Variants in ENTPD7 observed in about 807,000 individuals in gnomAD.
ENTPD7 encodes NTPDase 7.
Under a neutral mutation model 77.9 loss-of-function variants are expected in ENTPD7, and 53 were observed. The observed-to-expected ratio is 0.68, with a 90% CI of 0.55 to 0.85. The LOEUF (loss-of-function observed/expected upper bound fraction) is 0.85, where lower values mean the gene tolerates loss of function less well. Ranked by LOEUF, ENTPD7 falls within the 40% of genes least tolerant of loss-of-function variation. The pLI is 0.00. For synonymous variants in ENTPD7, 248 were observed against 274.9 expected, an observed-to-expected ratio of 0.90 and a Z score of 0.97; for missense variants, 636 against 743.7, an observed-to-expected ratio of 0.86 and a Z score of 1.68.
chr10:99,661,335 G>A, intron 2 of ENTPD7, 111 bp from the exon 3 acceptor site: 1 of 860,674 alleles, frequency 1.2e-6, no homozygotes. Context: ...TTAGACTTCT[G>A]TTGGCATGGA....
intron 3 of ENTPD7, among the ~76,000 whole-genome samples, chr10:99,673,599 AG>A (rs771687803): frequency 3.5e-4 from 53 of 152,392 alleles, no homozygotes; most frequent in Admixed American, 1.8e-3. Context: ...ATCAAAGGTC[AG>A]CTGACATTTT....
intron 3 of ENTPD7, among the ~76,000 whole-genome samples, chr10:99,666,663 T>G (rs773766858): frequency 5.3e-5 from 8 of 152,222 alleles, no homozygotes. Context: ...GAAAATGCAT[T>G]TAATACACCT....
At position 99,698,515 on chromosome 10, in the gene ENTPD7, GT is replaced by G; in HGVS notation, c.1011-14del. 4 of 1,608,338 alleles carry G rather than the reference GT, an allele frequency of 2.5e-6. No individual in the cohort carries two copies. Among genetic ancestry groups the G allele is most frequent in the African/African-American group, 2.7e-5 (2 of 74,918 alleles). Reference sequence around the variant, plus strand: ...GCATGACGTGTTTGTTTGTTTGTTTGTTTTTGTCATTGTGGCAGATTGCTTG... The same window carrying G: ...GCATGACGTGTTTGTTTGTTTGTTTGTTTTGTCATTGTGGCAGATTGCTTG... On this transcript the variant is annotated intron_variant, in intron 9 of 12. Transcript: ENST00000370489.
chr10:99,711,101 C>G lies in ENTPD7; in HGVS notation c.*6418C>G. ...GGGAGTGCTGGGAATAACATAAATACAAAAAAAACCCTAAGATAATCATTC... is the reference window on the plus strand; with the variant it reads ...GGGAGTGCTGGGAATAACATAAATAGAAAAAAAACCCTAAGATAATCATTC... On this transcript the variant is annotated 3_prime_UTR_variant, in exon 13 of 13. Transcript: ENST00000370489. 1.0e-6 allele frequency: 1 copy of G among 975,984 alleles called. No individual in the cohort carries two copies. Among genetic ancestry groups the G allele is most frequent in the African/African-American group, 1.8e-5 (1 of 56,994 alleles). The allele number at this position is 975,984 out of a possible 1,614,324, so 60.5% of individuals were successfully genotyped here.
At chr10:99,686,387 C>G (rs920860877) in intron 6 of ENTPD7, among the ~76,000 whole-genome samples, 2 of 152,060 alleles carry the variant, frequency 1.3e-5, no homozygotes, top group Non-Finnish European at 2.9e-5. Flanking sequence ...TGGGTTTGTA[C>G]TTTTAGAGTG....
rs1189556430 is a variant in ENTPD7 at position 99,704,723 on chromosome 10, T to C, written c.*40T>C. 1.9e-6 allele frequency: 3 copies of C among 1,549,230 alleles called. No homozygotes were observed. The East Asian group carries it at 7.0e-5, about 36-fold the overall frequency. On this transcript the variant is annotated 3_prime_UTR_variant, in exon 13 of 13. Transcript: ENST00000370489. Reference sequence around the variant, plus strand: ...TAGAGAAGCTTGAGCACCCCCGAGTTGCTGCTCATTGAATTCCTCCACTTT... The same window carrying C: ...TAGAGAAGCTTGAGCACCCCCGAGTCGCTGCTCATTGAATTCCTCCACTTT...
intron 5 of ENTPD7, among the ~76,000 whole-genome samples, chr10:99,682,784 C>T (rs2133465331): frequency 6.6e-6 from 1 of 152,182 alleles, no homozygotes; most frequent in East Asian, 1.9e-4. Context: ...GACACAAGAG[C>T]AGGTGCCACA....
chr10:99,695,961 A>G lies in ENTPD7; in HGVS notation c.849A>G (p.Glu283=), dbSNP rs769210199. The change falls in exon 9 of 13, where the codon GAA becomes GAG. Residue 283 remains glutamate (E), a synonymous_variant. Coordinates refer to ENST00000370489, the MANE Select transcript of ENTPD7 (RefSeq NM_020354.5). ...CTCTTGGTATTGTATTATAGGAAGA[A>G]GCTGCCAAGATCCTGCTGGCTGAGT... The part of the protein sequence containing the change: ...STSVLPAKQE[E]AAKILLAEFN... 1 of 1,612,522 alleles carries G rather than the reference A, an allele frequency of 6.2e-7. No homozygotes were observed. Among genetic ancestry groups the G allele is most frequent in the South Asian group, 1.1e-5 (1 of 90,732 alleles).
intron 11 of ENTPD7, among the ~76,000 whole-genome samples, chr10:99,702,048 CA>C (rs902674144): frequency 7.2e-4 from 105 of 146,526 alleles, no homozygotes; most frequent in Non-Finnish European, 1.1e-3. Flanking sequence ...GACTCTGTCT[CA>C]AAAAAAAACA....
Position 99,709,648 on chromosome 10 carries a change from A to T in ENTPD7, c.*4965A>T. 1.0e-6 allele frequency: 1 copy of T among 985,372 alleles called. No individual in the cohort carries two copies. The highest frequency in any genetic ancestry group is 1.2e-6 in the Non-Finnish European group (1 of 829,916). The allele number at this position is 985,372 out of a possible 1,614,324, so 61.0% of individuals were successfully genotyped here. A position where few individuals can be genotyped will look rare whatever the true frequency, so the allele number is the denominator to read the frequency against. On this transcript the variant is annotated 3_prime_UTR_variant, in exon 13 of 13. Coordinates refer to ENST00000370489, the MANE Select transcript of ENTPD7 (RefSeq NM_020354.5). ...TCTCATAACCTGGATCTAAGTTGGAAAGCTGTGGCACCCTGTTTGGGTGTC... is the reference window on the plus strand; with the variant it reads ...TCTCATAACCTGGATCTAAGTTGGATAGCTGTGGCACCCTGTTTGGGTGTC...
intron 3 of ENTPD7, among the ~76,000 whole-genome samples, chr10:99,676,877 T>G (rs1270911739): frequency 6.6e-6 from 1 of 152,220 alleles, no homozygotes; most frequent in Non-Finnish European, 1.5e-5. Flanking sequence ...TACCTACCCC[T>G]ACTCTCAGTA....
rs1252556054 is a variant in ENTPD7 at position 99,707,936 on chromosome 10, A to C, written c.*3253A>C. Among the ~76,000 whole-genome samples the C allele has an allele frequency of 6.6e-6, 1 of 152,184 alleles. No individual in the cohort carries two copies. Among genetic ancestry groups the C allele is most frequent in the African/African-American group, 2.4e-5 (1 of 41,446 alleles). ...ACCAAGGAACAAATTCAGGGGGTAC[A>C]AGTGCAGGTTTGTTACATGAGTATA... On this transcript the variant is annotated 3_prime_UTR_variant, in exon 13 of 13. Transcript: ENST00000370489.
intron 8 of ENTPD7, 41 bp downstream of exon 8, chr10:99,691,559 A>G: frequency 6.2e-7 from 1 of 1,608,032 alleles, no homozygotes; most frequent in Non-Finnish European, 8.5e-7. Context: ...TAGGAATGCT[A>G]GTATTTGAGA....
intron 3 of ENTPD7, among the ~76,000 whole-genome samples, chr10:99,674,646 G>A (rs556653866): frequency 5.3e-5 from 8 of 152,270 alleles, no homozygotes; most frequent in African/African-American, 1.7e-4. Flanking sequence ...TTTTTAAGGC[G>A]GAATAATATA....
Position 99,708,991 on chromosome 10 carries a change from C to T in ENTPD7, c.*4308C>T. 1.0e-6 allele frequency: 1 copy of T among 985,388 alleles called. No homozygotes were observed. The highest frequency in any genetic ancestry group is 1.2e-6 in the Non-Finnish European group (1 of 829,902). The allele number at this position is 985,388 out of a possible 1,614,324, so 61.0% of individuals were successfully genotyped here. ...TGCTTTGCTCACATTTAGGAATAAA[C>T]TTTGAAAAAAATACTTTGTCAGAAA... On this transcript the variant is annotated 3_prime_UTR_variant, in exon 13 of 13. Coordinates refer to ENST00000370489, the MANE Select transcript of ENTPD7 (RefSeq NM_020354.5).
In ENTPD7 at chr10:99,711,118, T is replaced by C; in HGVS notation, c.*6435T>C. The C allele has an allele frequency of 2.0e-6, 2 of 984,868 alleles. No homozygotes were observed. The highest frequency in any genetic ancestry group is 2.4e-6 in the Non-Finnish European group (2 of 829,628). 61.0% of individuals were successfully genotyped at this position (984,868 alleles called of 1,614,324 possible). A position where few individuals can be genotyped will look rare whatever the true frequency, so the allele number is the denominator to read the frequency against. ...CATAAATACAAAAAAAACCCTAAGATAATCATTCACCAGAAGCTCATAGAT... is the reference window on the plus strand; with the variant it reads ...CATAAATACAAAAAAAACCCTAAGACAATCATTCACCAGAAGCTCATAGAT... On this transcript the variant is annotated 3_prime_UTR_variant, in exon 13 of 13. Coordinates refer to ENST00000370489, the MANE Select transcript of ENTPD7 (RefSeq NM_020354.5).
intron 5 of ENTPD7, among the ~76,000 whole-genome samples, chr10:99,680,318 C>G (rs34481380): frequency 6.6e-6 from 1 of 152,140 alleles, no homozygotes; most frequent in African/African-American, 2.4e-5. Flanking sequence ...GGCCTGTTTT[C>G]TCAGCCCCAG....
At chr10:99,666,503 C>G (rs181350870) in intron 3 of ENTPD7, among the ~76,000 whole-genome samples, 1 of 152,244 alleles carries the variant, frequency 6.6e-6, no homozygotes, top group Admixed American at 6.5e-5. Flanking sequence ...GCCATCGTGC[C>G]CAGCCAGAAC....
intron 2 of ENTPD7, 191 bp downstream of exon 2, chr10:99,660,155 C>G (rs1397683354): frequency 1.8e-6 from 1 of 565,116 alleles, no homozygotes; most frequent in Non-Finnish European, 2.2e-6. Context: ...GTTTCTAGCC[C>G]ATAGACCAGG....
Sources: allele counts gnomAD v4.1 joint callset (sites outside exome capture counted in the v4.1 genomes callset), GRCh38; gene constraint gnomAD v4.1.1; transcripts MANE v1.5; gene names NCBI Gene and HGNC (gene_info 2026-07-23, HGNC 2026-07-21).